FMO3: variants seen among roughly 807,000 people sequenced by gnomAD.
FMO3 encodes flavin-containing monooxygenase 3.
In FMO3, 40 loss-of-function variants were observed where a neutral mutation model predicts 39.4. The ratio of observed to expected loss-of-function variants is 1.02; its 90% CI spans 0.79 to 1.32. FMO3 has a LOEUF of 1.32. Ranked by LOEUF, FMO3 falls within the 40% of genes most tolerant of loss-of-function variation. FMO3 has a pLI of 0.00. For missense variants in FMO3, 680 were observed against 651.8 expected, an observed-to-expected ratio of 1.04 and a Z score of -0.47; for synonymous variants, 219 against 228.8, an observed-to-expected ratio of 0.96 and a Z score of 0.39.
intron 2 of FMO3, among the ~76,000 whole-genome samples, chr1:171,093,798 T>C (rs1439858516): frequency 6.6e-6 from 1 of 151,064 alleles, no homozygotes; most frequent in Non-Finnish European, 1.5e-5. Flanking sequence ...ACCAACAGTG[T>C]TTCCTTTTCT....
intron 3 of FMO3, 75 bp downstream of exon 3, chr1:171,104,048 T>C: frequency 1.8e-6 from 2 of 1,091,388 alleles, no homozygotes; most frequent in Non-Finnish European, 2.8e-6. Context: ...TTCTCATTTG[T>C]TCCTTTCAGT....
chr1:171,105,909 A>T (rs1385642478), intron 3 of FMO3, among the ~76,000 whole-genome samples: 1 of 152,134 alleles, frequency 6.6e-6, no homozygotes, highest in Non-Finnish European at 1.5e-5. Context: ...ACATTATCTT[A>T]ATCTTTATCT....
At chr1:171,095,508 G>A (rs1019947284) in intron 2 of FMO3, among the ~76,000 whole-genome samples, 2 of 151,444 alleles carry the variant, frequency 1.3e-5, no homozygotes, top group Non-Finnish European at 2.9e-5. Flanking sequence ...AATTTAGGAA[G>A]ATTAATGACC....
intron 7 of FMO3, 29 bp downstream of exon 7, chr1:171,114,391 C>G: frequency 6.8e-7 from 1 of 1,479,230 alleles, no homozygotes; most frequent in Non-Finnish European, 9.4e-7. Context: ...TCATGGATTG[C>G]GAAGATGAAT....
intron 3 of FMO3, among the ~76,000 whole-genome samples, chr1:171,105,191 T>A (rs766872893): frequency 2.0e-5 from 3 of 152,104 alleles, no homozygotes; most frequent in Non-Finnish European, 4.4e-5. Context: ...GTTCCATGGG[T>A]GAGTACTTCC....
At chr1:171,096,729 A>AT (rs1553228399) in intron 2 of FMO3, among the ~76,000 whole-genome samples, 4 of 128,958 alleles carry the variant, frequency 3.1e-5, no homozygotes, top group Non-Finnish European at 4.8e-5. Context: ...TTATATTAAA[A>AT]ATATATATAA....
intron 2 of FMO3, among the ~76,000 whole-genome samples, chr1:171,098,355 C>T (rs1655201928): frequency 6.6e-6 from 1 of 152,134 alleles, no homozygotes; most frequent in Admixed American, 6.6e-5. Flanking sequence ...ATGGGGATGG[C>T]ATTGAATCTA....
chr1:171,096,284 T>TGA (rs1553228215), intron 2 of FMO3, among the ~76,000 whole-genome samples: 4 of 63,262 alleles, frequency 6.3e-5, no homozygotes, highest in African/African-American at 1.8e-4. Context: ...ATTATATATA[T>TGA]TATATATCTA....
chr1:171,117,167 G>A lies in FMO3; in HGVS notation c.1324G>A (p.Gly442Arg). The change falls in exon 9 of 9, where the codon GGG becomes AGG. Residue 442 changes from glycine (G) to arginine (R), a missense_variant. Coordinates refer to ENST00000367755, the MANE Select transcript of FMO3 (RefSeq NM_001002294.3). ...TATGGATGAACTCTCCTCCTTCATT[G>A]GGGCAAAGCCCAACATCCCATGGCT... ...VYMDELSSFI[G>R]AKPNIPWLFL... The A allele has an allele frequency of 6.2e-7, 1 of 1,614,088 alleles. No individual in the cohort carries two copies. Among genetic ancestry groups the A allele is most frequent in the African/African-American group, 1.3e-5 (1 of 75,028 alleles).
intron 1 of FMO3, 31 bp from the exon 2 acceptor site, chr1:171,092,622 T>C: frequency 6.2e-7 from 1 of 1,612,876 alleles, no homozygotes; most frequent in Non-Finnish European, 8.5e-7. Context: ...GCAATGTTGT[T>C]ACTGGAAATG....
chr1:171,110,787 T>C lies in FMO3; in HGVS notation c.628-11T>C, dbSNP rs201838898. The C allele has an allele frequency of 1.2e-6, 2 of 1,613,306 alleles. No individual in the cohort carries two copies. The highest frequency in any genetic ancestry group is 1.7e-6 in the Non-Finnish European group (2 of 1,179,290). On this transcript the variant is annotated splice_polypyrimidine_tract_variant and intron_variant, in intron 5 of 8. Transcript: ENST00000367755. Reference sequence around the variant, plus strand: ...GTCACTAATTTCATGGTTGAATTGGTGTTTTTTAAGGTCATGATCAGTTCC... The same window carrying C: ...GTCACTAATTTCATGGTTGAATTGGCGTTTTTTAAGGTCATGATCAGTTCC...
At chr1:171,098,299 TTAAAG>T (rs1223280801) in intron 2 of FMO3, among the ~76,000 whole-genome samples, 3 of 152,178 alleles carry the variant, frequency 2.0e-5, no homozygotes, top group Non-Finnish European at 4.4e-5. Context: ...CATATGAACT[TTAAAG>T]TAGTTTTTTC....
chr1:171,110,879 A>G lies in FMO3; in HGVS notation c.709A>G (p.Thr237Ala), dbSNP rs200263819. 1 of 1,613,930 alleles carries G rather than the reference A, an allele frequency of 6.2e-7. No homozygotes were observed. The highest frequency in any genetic ancestry group is 8.5e-7 in the Non-Finnish European group (1 of 1,179,918). ...TTATCCTTGGGACATGCTGCTCGTCACTCGATTTGGAACCTTCCTCAAGAA... is the reference window on the plus strand; with the variant it reads ...TTATCCTTGGGACATGCTGCTCGTCGCTCGATTTGGAACCTTCCTCAAGAA... ...NGYPWDMLLVTRFGTFLKNNL... is the reference protein window; with the variant it reads ...NGYPWDMLLVARFGTFLKNNL... Residue 237 changes from threonine (T) to alanine (A), a missense_variant, in exon 6 of 9, where the codon ACT (threonine) becomes GCT (alanine). By Grantham distance (58) the Thr-to-Ala change is moderately conservative. Transcript: ENST00000367755.
At chr1:171,099,399 TA>T (rs1327876770) in intron 2 of FMO3, among the ~76,000 whole-genome samples, 1 of 152,218 alleles carries the variant, frequency 6.6e-6, no homozygotes, top group Non-Finnish European at 1.5e-5. Flanking sequence ...TGTATGTTAT[TA>T]AAATGTGTTG....
At chr1:171,091,927 G>GTT (rs1553227277) in intron 1 of FMO3, among the ~76,000 whole-genome samples, 1 of 151,898 alleles carries the variant, frequency 6.6e-6, no homozygotes, top group Non-Finnish European at 1.5e-5. Context: ...CTGTGTGTGT[G>GTT]TATACATATA....
intron 6 of FMO3, among the ~76,000 whole-genome samples, chr1:171,113,797 A>T (rs980980508): frequency 1.3e-5 from 2 of 152,158 alleles, no homozygotes; most frequent in South Asian, 4.1e-4. Context: ...GGATCACAGA[A>T]AATAGAGATG....
At chr1:171,096,883 G>T (rs1319847525) in intron 2 of FMO3, among the ~76,000 whole-genome samples, 2 of 150,956 alleles carry the variant, frequency 1.3e-5, no homozygotes, top group Non-Finnish European at 2.9e-5. Flanking sequence ...TTGGTGTGCG[G>T]CACCCATTAA....
chr1:171,101,121 G>T (rs1655362923), intron 2 of FMO3: 1 of 456,098 alleles, frequency 2.2e-6, no homozygotes, highest in Middle Eastern at 3.3e-4. Flanking sequence ...TCTTGCCACT[G>T]AAAAAAATAA....
rs368244468 is a variant in FMO3, at chr1:171,107,614, G to C, written c.322-61G>C. 73 of 1,414,170 alleles carry C rather than the reference G, an allele frequency of 5.2e-5. No homozygotes were observed. The African/African-American group carries it at 9.2e-4, about 18-fold the overall frequency. 87.6% of individuals were successfully genotyped at this position (1,414,170 alleles called of 1,614,324 possible). ...TAACCCACTTTTCTTTTTTCATACTGTATCTGCCAAAACCATTTGCTAGCA... is the reference window on the plus strand; with the variant it reads ...TAACCCACTTTTCTTTTTTCATACTCTATCTGCCAAAACCATTTGCTAGCA... On this transcript the variant is annotated intron_variant, in intron 3 of 8. Coordinates refer to ENST00000367755, the MANE Select transcript of FMO3 (RefSeq NM_001002294.3).
Sources: gnomAD v4.1 joint callset for allele counts (sites outside exome capture counted in the v4.1 genomes callset) on GRCh38, gnomAD v4.1.1 for gene constraint, MANE v1.5 for transcripts, NCBI Gene and HGNC (gene_info 2026-07-23, HGNC 2026-07-21) for gene names.